The following INPP4B variants were observed in gnomAD, a reference collection of about 807,000 sequenced individuals.
INPP4B encodes inositol polyphosphate-4-phosphatase type II B.
Under a neutral mutation model 122.5 loss-of-function variants are expected in INPP4B, and 55 were observed. That is an observed-to-expected ratio of 0.45 (90% CI 0.36 to 0.56). The LOEUF is 0.56. Ranked by LOEUF, INPP4B falls within the 20% of genes least tolerant of loss-of-function variation. The pLI, the probability that INPP4B is intolerant of heterozygous loss-of-function variation, is 0.00. For missense variants in INPP4B, 1,000 were observed against 1,097.7 expected (o/e 0.91, Z 1.26); for synonymous variants, 403 against 388.7 (o/e 1.04, Z -0.43).
At chr4:142,528,394 G>T (rs558923094) in intron 2 of INPP4B, among the ~76,000 whole-genome samples, 34 of 152,154 alleles carry the variant, frequency 2.2e-4, no homozygotes, top group Non-Finnish European at 4.7e-4. Flanking sequence ...GTTGTTGTAG[G>T]ATTCAGTTCC....
chr4:142,694,027 G>A (rs1175258955), intron 2 of INPP4B, among the ~76,000 whole-genome samples: 1 of 151,990 alleles, frequency 6.6e-6, no homozygotes, highest in Non-Finnish European at 1.5e-5. Context: ...TAATTTATTG[G>A]TTTAAAGAAA....
At chr4:142,039,324 TA>T (rs1745874082) in intron 25 of INPP4B, among the ~76,000 whole-genome samples, 1 of 152,152 alleles carries the variant, frequency 6.6e-6, no homozygotes, top group African/African-American at 2.4e-5. Context: ...ATATTGAAAA[TA>T]AAAACAAAAC....
At chr4:142,066,995 T>C (rs892884717) in intron 25 of INPP4B, among the ~76,000 whole-genome samples, 4 of 152,254 alleles carry the variant, frequency 2.6e-5, no homozygotes, top group African/African-American at 9.6e-5. Context: ...AGCATGGAGT[T>C]TGAGATCTGA....
rs145475720 is a variant in INPP4B at position 142,471,870 on chromosome 4, T to TACAC, written c.-190-9148_-190-9145dup. ...TTCACCAGCCCCTTCCTCCATAGTATACACACACACACACACACGTATATG... is the reference window on the plus strand; with the variant it reads ...TTCACCAGCCCCTTCCTCCATAGTATACACACACACACACACACACACGTATATG... On this transcript the variant is annotated intron_variant, in intron 2 of 25. Transcript: ENST00000262992. Among the ~76,000 whole-genome samples, 489 of 150,648 alleles carry TACAC rather than the reference T, an allele frequency of 3.2e-3. 3 individuals carry two copies. Among genetic ancestry groups the TACAC allele is most frequent in the African/African-American group, 0.011 (442 of 41,108 alleles).
intron 25 of INPP4B, among the ~76,000 whole-genome samples, chr4:142,032,767 T>G (rs1177546666): frequency 1.3e-5 from 2 of 152,182 alleles, no homozygotes; most frequent in Non-Finnish European, 2.9e-5. Context: ...AATAACAACA[T>G]GTATATCATC....
chr4:142,269,597 A>C (rs1294173232), intron 10 of INPP4B, among the ~76,000 whole-genome samples: 3 of 152,158 alleles, frequency 2.0e-5, no homozygotes, highest in Admixed American at 6.6e-5. Flanking sequence ...GTGCTCATCA[A>C]AGGGTACAAG....
At chr4:142,200,973 T>A (rs900057526) in intron 14 of INPP4B, among the ~76,000 whole-genome samples, 1 of 151,992 alleles carries the variant, frequency 6.6e-6, no homozygotes, top group African/African-American at 2.4e-5. Context: ...AAGCAAAGTC[T>A]CCCTGTCTTT....
At chr4:142,817,191 A>G (rs1018116596) in intron 1 of INPP4B, among the ~76,000 whole-genome samples, 1 of 152,198 alleles carries the variant, frequency 6.6e-6, no homozygotes, top group Admixed American at 6.6e-5. Flanking sequence ...TCAGTGGTTG[A>G]TAAGCCTGTT....
At chr4:142,677,081 G>T (rs2150664735) in intron 2 of INPP4B, among the ~76,000 whole-genome samples, 1 of 152,168 alleles carries the variant, frequency 6.6e-6, no homozygotes, top group East Asian at 1.9e-4. Context: ...GAAAATTTTT[G>T]CAATCTATCC....
chr4:142,192,278 G>A (rs979868133), intron 15 of INPP4B, among the ~76,000 whole-genome samples: 4 of 61,986 alleles, frequency 6.5e-5, no homozygotes, highest in South Asian at 6.0e-4. Context: ...AATTCACCAT[G>A]GTTAAAAAAA....
At chr4:142,406,059 T>G (rs1252093876) in intron 5 of INPP4B, among the ~76,000 whole-genome samples, 4 of 152,152 alleles carry the variant, frequency 2.6e-5, no homozygotes, top group Admixed American at 2.6e-4. Context: ...TTCCCCCAAT[T>G]TGAGGAAGAA....
intron 7 of INPP4B, among the ~76,000 whole-genome samples, chr4:142,377,584 C>T (rs1385214933): frequency 6.6e-6 from 1 of 151,938 alleles, no homozygotes; most frequent in African/African-American, 2.4e-5. Flanking sequence ...GAAGACACAA[C>T]CATAGGCATA....
intron 11 of INPP4B, among the ~76,000 whole-genome samples, chr4:142,257,606 T>A (rs1736996075): frequency 6.6e-6 from 1 of 152,130 alleles, no homozygotes; most frequent in South Asian, 2.1e-4. Context: ...CCATTCACAA[T>A]TGCTTCAAAG....
intron 14 of INPP4B, among the ~76,000 whole-genome samples, chr4:142,197,868 G>C (rs1266846468): frequency 6.6e-6 from 1 of 152,036 alleles, no homozygotes; most frequent in Non-Finnish European, 1.5e-5. Context: ...TCTTATGCTG[G>C]TAAGTTTTGG....
intron 2 of INPP4B, among the ~76,000 whole-genome samples, chr4:142,521,620 T>G (rs2149923083): frequency 6.6e-6 from 1 of 152,162 alleles, no homozygotes; most frequent in Non-Finnish European, 1.5e-5. Context: ...TCCTGACCCC[T>G]TTTGTTTCCT....
chr4:142,082,561 A>C lies in INPP4B; in HGVS notation c.2488-376T>G, dbSNP rs530449867. 3.7e-4 allele frequency among the ~76,000 whole-genome samples: 57 copies of C among 152,304 alleles called. 1 individual carries two copies. The highest frequency in any genetic ancestry group is 6.8e-3 in the Middle Eastern group (2 of 294). On this transcript the variant is annotated intron_variant, in intron 24 of 25. Transcript: ENST00000262992. ...ATTGTAAAGAGGAAAAAACAAACAA[A>C]CAACCAACCAAAAAACTATATTCCC...
At chr4:142,398,433 T>A (rs1263679140) in intron 7 of INPP4B, among the ~76,000 whole-genome samples, 4 of 62,152 alleles carry the variant, frequency 6.4e-5, no homozygotes, top group East Asian at 5.6e-4. Flanking sequence ...TATATATATA[T>A]ATATATATAT....
At chr4:142,481,133 CAAAAAAAA>C (rs551228788) in intron 2 of INPP4B, among the ~76,000 whole-genome samples, 5 of 57,890 alleles carry the variant, frequency 8.6e-5, no homozygotes, top group African/African-American at 2.9e-4. Flanking sequence ...GACTCTGTCT[CAAAAAAAA>C]AAAAAAAAAA....
At chr4:142,257,867 GGAA>G (rs1737224243) in intron 11 of INPP4B, among the ~76,000 whole-genome samples, 1 of 152,044 alleles carries the variant, frequency 6.6e-6, no homozygotes, top group African/African-American at 2.4e-5. Context: ...AAGTTCATAT[GGAA>G]CCAAAAAAGA....
Sources: allele counts gnomAD v4.1 joint callset (sites outside exome capture counted in the v4.1 genomes callset), GRCh38; gene constraint gnomAD v4.1.1; transcripts MANE v1.5; gene names NCBI Gene and HGNC (gene_info 2026-07-23, HGNC 2026-07-21).